Variants in OPCML observed in about 807,000 individuals in gnomAD.
OPCML encodes the protein opioid-binding protein/cell adhesion molecule.
Under a neutral mutation model 37.8 loss-of-function variants are expected in OPCML, and 13 were observed. The ratio of observed to expected loss-of-function variants is 0.34; its 90% CI spans 0.22 to 0.55. The LOEUF (loss-of-function observed/expected upper bound fraction) is 0.55, where lower values mean the gene tolerates loss of function less well. Ranked by LOEUF, OPCML falls within the 20% of genes least tolerant of loss-of-function variation. The pLI is 0.91. For synonymous variants in OPCML, 176 were observed against 168.8 expected, an observed-to-expected ratio of 1.04 and a Z score of -0.33; for missense variants, 341 against 435.6, an observed-to-expected ratio of 0.78 and a Z score of 1.93.
intron 1 of OPCML, among the ~76,000 whole-genome samples, chr11:133,316,337 A>C (rs933642121): frequency 6.6e-6 from 1 of 152,240 alleles, no homozygotes; most frequent in Non-Finnish European, 1.5e-5. Context: ...GAATGTAGGC[A>C]CCAGCCCCTT....
intron 1 of OPCML, among the ~76,000 whole-genome samples, chr11:133,345,395 G>A (rs1943974910): frequency 6.6e-6 from 1 of 152,150 alleles, no homozygotes; most frequent in South Asian, 2.1e-4. Context: ...GCATCTCGAG[G>A]AATAAACACA....
intron 1 of OPCML, among the ~76,000 whole-genome samples, chr11:133,527,875 C>T (rs551532954): frequency 6.6e-6 from 1 of 152,202 alleles, no homozygotes; most frequent in Non-Finnish European, 1.5e-5. Flanking sequence ...GGGTGGAGTC[C>T]CACTTAAAGG....
At chr11:132,690,130 G>A (rs1212732953) in intron 2 of OPCML, among the ~76,000 whole-genome samples, 1 of 152,056 alleles carries the variant, frequency 6.6e-6, no homozygotes, top group African/African-American at 2.4e-5. Flanking sequence ...TTTTTTGGCA[G>A]CGTCTTACTA....
At chr11:133,358,706 G>A (rs574693062) in intron 1 of OPCML, among the ~76,000 whole-genome samples, 16 of 152,260 alleles carry the variant, frequency 1.1e-4, no homozygotes, top group African/African-American at 3.9e-4. Context: ...GAGACAGTGG[G>A]GTAAGCACAC....
chr11:133,043,728 G>A (rs1487104615), intron 1 of OPCML, among the ~76,000 whole-genome samples: 2 of 152,136 alleles, frequency 1.3e-5, no homozygotes, highest in Non-Finnish European at 2.9e-5. Flanking sequence ...TTATGTGCAT[G>A]ATGAAAAGTG....
chr11:133,349,786 C>T (rs969932432), intron 1 of OPCML, among the ~76,000 whole-genome samples: 2 of 152,066 alleles, frequency 1.3e-5, no homozygotes, highest in Non-Finnish European at 2.9e-5. Context: ...GTGGGACATG[C>T]TAAACCATCA....
intron 1 of OPCML, among the ~76,000 whole-genome samples, chr11:133,031,810 A>G (rs1947679521): frequency 6.6e-6 from 1 of 152,232 alleles, no homozygotes; most frequent in Admixed American, 6.5e-5. Flanking sequence ...CAGGACAGTC[A>G]GAAACATTAG....
At chr11:133,009,125 G>T (rs1056421631) in intron 1 of OPCML, 1 of 985,210 alleles carries the variant, frequency 1.0e-6, no homozygotes, top group African/African-American at 1.7e-5. Flanking sequence ...CTATTTAACA[G>T]AGAACACTGA....
chr11:133,437,377 T>A (rs1217167550), intron 1 of OPCML, among the ~76,000 whole-genome samples: 1 of 152,162 alleles, frequency 6.6e-6, no homozygotes, highest in Admixed American at 6.5e-5. Context: ...TTTTGGCTCT[T>A]CCTGGGGAGT....
intron 2 of OPCML, among the ~76,000 whole-genome samples, chr11:132,716,091 AAAG>A (rs1313992832): frequency 6.6e-6 from 1 of 152,206 alleles, no homozygotes; most frequent in South Asian, 2.1e-4. Flanking sequence ...CAAAGGAAAG[AAAG>A]AAGGAGGGCT....
chr11:132,822,441 T>G (rs1448971879), intron 2 of OPCML, among the ~76,000 whole-genome samples: 1 of 152,064 alleles, frequency 6.6e-6, no homozygotes, highest in Non-Finnish European at 1.5e-5. Context: ...AGGCGGTGAA[T>G]GGATTACAAG....
At chr11:133,428,961 A>G (rs79320410) in intron 1 of OPCML, among the ~76,000 whole-genome samples, 9,714 of 152,302 alleles carry the variant, frequency 0.064, 1,037 homozygotes, top group African/African-American at 0.22. Context: ...TAGTGATTCA[A>G]TCAGATCATA....
chr11:132,823,692 A>C (rs1374273380), intron 2 of OPCML, among the ~76,000 whole-genome samples: 1 of 152,092 alleles, frequency 6.6e-6, no homozygotes, highest in Non-Finnish European at 1.5e-5. Context: ...AAACATAACA[A>C]AAGAATTCTA....
At chr11:132,881,469 C>A (rs544057683) in intron 2 of OPCML, among the ~76,000 whole-genome samples, 23 of 152,252 alleles carry the variant, frequency 1.5e-4, no homozygotes, top group South Asian at 1.0e-3. Flanking sequence ...AGGAGGCCTG[C>A]TGACTAGGCT....
intron 1 of OPCML, among the ~76,000 whole-genome samples, chr11:133,063,326 C>A (rs1018311634): frequency 6.6e-6 from 1 of 152,072 alleles, no homozygotes; most frequent in Non-Finnish European, 1.5e-5. Flanking sequence ...CTTCTTAAAC[C>A]CAACAGACTA....
intron 1 of OPCML, among the ~76,000 whole-genome samples, chr11:133,157,381 C>T (rs1369246406): frequency 6.6e-6 from 1 of 152,208 alleles, no homozygotes; most frequent in African/African-American, 2.4e-5. Flanking sequence ...TGGGCTGCCT[C>T]CTGCAGGCTC....
intron 2 of OPCML, among the ~76,000 whole-genome samples, chr11:132,782,925 A>ATATATATATATATATATGTG (rs535375141): frequency 2.8e-5 from 4 of 144,628 alleles, no homozygotes; most frequent in Non-Finnish European, 6.0e-5. Flanking sequence ...GTGTATATAT[A>ATATATATATATATATATGTG]TATATATATA....
rs192488065 is a variant in OPCML at position 132,416,123 on chromosome 11, C to A, written c.*4070G>T. 1.3e-5 allele frequency: 2 copies of A among 152,322 alleles called. No homozygotes were observed. The highest frequency in any genetic ancestry group is 4.1e-4 in the South Asian group (2 of 4,830). The allele number at this position is 152,322 out of a possible 1,614,324, so 9.4% of individuals were successfully genotyped here. A position where few individuals can be genotyped will look rare whatever the true frequency, so the allele number is the denominator to read the frequency against. The stretch of plus-strand genomic sequence containing the variant: ...CTGTTGGAGAAAAAGAAAATAAATG[C>A]ATTTTTTCCAAAAAGAAAAACCTTA... On this transcript the variant is annotated 3_prime_UTR_variant, in exon 8 of 8. Coordinates refer to ENST00000524381, the MANE Select transcript of OPCML (RefSeq NM_001012393.5).
intron 1 of OPCML, among the ~76,000 whole-genome samples, chr11:132,966,802 G>A (rs1484183565): frequency 2.0e-5 from 3 of 151,942 alleles, no homozygotes; most frequent in African/African-American, 7.3e-5. Context: ...ATAGTAAAAT[G>A]TCCTTCAATC....
Sources: allele counts gnomAD v4.1 joint callset (sites outside exome capture counted in the v4.1 genomes callset), GRCh38; gene constraint gnomAD v4.1.1; transcripts MANE v1.5; gene names NCBI Gene and HGNC (gene_info 2026-07-23, HGNC 2026-07-21).